Variants in SEMA3A observed in about 807,000 individuals in gnomAD.
The protein encoded by SEMA3A is semaphorin-3A.
A neutral mutation model predicts 97.9 loss-of-function variants in SEMA3A; 29 were observed. The ratio of observed to expected loss-of-function variants is 0.30; its 90% CI spans 0.22 to 0.40. The LOEUF (loss-of-function observed/expected upper bound fraction) is 0.40, where lower values mean the gene tolerates loss of function less well. SEMA3A is among the 10% of genes least tolerant of loss of function. SEMA3A has a pLI of 1.00. For missense variants in SEMA3A, 763 were observed against 951.3 expected (o/e 0.80, Z 2.60); for synonymous variants, 321 against 323.7 (o/e 0.99, Z 0.09).
chr7:84,336,799 TAAGTA>T (rs1802047560), intron 2 of SEMA3A, among the ~76,000 whole-genome samples: 1 of 152,170 alleles, frequency 6.6e-6, no homozygotes, highest in Admixed American at 6.6e-5. Flanking sequence ...TACACTTTAC[TAAGTA>T]AAGTAGCATG....
chr7:84,042,478 T>C (rs1201038965), intron 6 of SEMA3A, among the ~76,000 whole-genome samples: 1 of 151,984 alleles, frequency 6.6e-6, no homozygotes, highest in African/African-American at 2.4e-5. Context: ...CTGACTCAAA[T>C]ATAATCACTC....
intron 3 of SEMA3A, among the ~76,000 whole-genome samples, chr7:84,263,706 C>T (rs1391667541): frequency 6.6e-6 from 1 of 152,146 alleles, no homozygotes; most frequent in Admixed American, 6.5e-5. Flanking sequence ...GTTCCATGCT[C>T]GTTACTTCCT....
chr7:84,442,471 A>C (rs2116343176), intron 1 of SEMA3A, among the ~76,000 whole-genome samples: 1 of 152,212 alleles, frequency 6.6e-6, no homozygotes, highest in East Asian at 1.9e-4. Flanking sequence ...CTAAAGAATA[A>C]ACACAATAAG....
intron 1 of SEMA3A, among the ~76,000 whole-genome samples, chr7:84,484,891 T>C (rs190678436): frequency 1.4e-3 from 213 of 152,318 alleles, no homozygotes; most frequent in African/African-American, 4.9e-3. Flanking sequence ...GGAACTATAA[T>C]ACAAACAGTT....
Position 84,186,264 on chromosome 7 carries a change from A to T in SEMA3A, c.112+8211T>A, listed in dbSNP as rs1309894611. On this transcript the variant is annotated intron_variant, in intron 1 of 16. Transcript: ENST00000265362. ...TGACATCACCTTTCTCAAAAATTCT[A>T]CAATATTCACTTTATTTATCCAAGA... 2.6e-5 allele frequency among the ~76,000 whole-genome samples: 4 copies of T among 152,116 alleles called. No individual in the cohort carries two copies. In the East Asian group the frequency reaches 7.7e-4, roughly 29 times the overall value.
intron 4 of SEMA3A, among the ~76,000 whole-genome samples, chr7:84,075,768 C>T (rs902664958): frequency 1.3e-5 from 2 of 152,090 alleles, no homozygotes; most frequent in Non-Finnish European, 1.5e-5. Flanking sequence ...TTGACTTTGA[C>T]TTCTATTGTA....
intron 1 of SEMA3A, among the ~76,000 whole-genome samples, chr7:84,137,673 C>A: frequency 7.9e-6 from 1 of 126,554 alleles, no homozygotes; most frequent in Admixed American, 9.0e-5. Context: ...ACCTTAGTTT[C>A]AGAGAGGCCA....
chr7:84,029,493 A>G (rs1356928643), intron 6 of SEMA3A, among the ~76,000 whole-genome samples: 2 of 152,164 alleles, frequency 1.3e-5, no homozygotes, highest in African/African-American at 4.8e-5. Flanking sequence ...TATAATGTTT[A>G]TAGGCATTTC....
intron 1 of SEMA3A, among the ~76,000 whole-genome samples, chr7:84,455,094 A>C (rs1296744375): frequency 6.6e-6 from 1 of 151,984 alleles, no homozygotes; most frequent in African/African-American, 2.4e-5. Context: ...ATTGTAATAT[A>C]TTAATTCTTT....
intron 1 of SEMA3A, among the ~76,000 whole-genome samples, chr7:84,183,001 A>T (rs1797775946): frequency 6.6e-6 from 1 of 152,170 alleles, no homozygotes; most frequent in Non-Finnish European, 1.5e-5. Flanking sequence ...TAGAGAATAC[A>T]CACAAGTAAA....
At chr7:84,408,647 T>C (rs1217417839) in intron 1 of SEMA3A, among the ~76,000 whole-genome samples, 1 of 151,952 alleles carries the variant, frequency 6.6e-6, no homozygotes, top group African/African-American at 2.4e-5. Flanking sequence ...CCAACCCAAA[T>C]GTCCAACAAT....
chr7:84,286,632 G>GAATAT, intron 3 of SEMA3A, among the ~76,000 whole-genome samples: 1 of 151,966 alleles, frequency 6.6e-6, no homozygotes, highest in Admixed American at 6.6e-5. Flanking sequence ...TAAAGATACA[G>GAATAT]GGCTCAGAAT....
chr7:84,132,358 T>C (rs1172633419), intron 2 of SEMA3A, among the ~76,000 whole-genome samples: 1 of 148,500 alleles, frequency 6.7e-6, no homozygotes, highest in East Asian at 2.0e-4. Context: ...GATACTGTGA[T>C]ATATTCTGAG....
upstream of SEMA3A, among the ~76,000 whole-genome samples, chr7:84,195,912 A>G (rs931755965): frequency 6.6e-6 from 1 of 152,212 alleles, no homozygotes; most frequent in Admixed American, 6.5e-5. Context: ...ACGTATAGGC[A>G]TGTATTCAGG....
In SEMA3A at chr7:84,073,909, T is replaced by C. The variant is rs150650665; in HGVS notation, c.454-13351A>G. Among the ~76,000 whole-genome samples the C allele has an allele frequency of 6.1e-3, 919 of 150,030 alleles. 12 individuals carry two copies. The highest frequency in any genetic ancestry group is 0.021 in the African/African-American group (867 of 40,488). ...AAAAAAATGAAGCAAATCATACATATGTTTTATCAGCAATCTTAAAAATTT... is the reference window on the plus strand; with the variant it reads ...AAAAAAATGAAGCAAATCATACATACGTTTTATCAGCAATCTTAAAAATTT... On this transcript the variant is annotated intron_variant, in intron 4 of 16. Transcript: ENST00000265362.
chr7:84,242,016 T>A (rs1160716543), intron 3 of SEMA3A, among the ~76,000 whole-genome samples: 1 of 152,166 alleles, frequency 6.6e-6, no homozygotes, highest in Non-Finnish European at 1.5e-5. Flanking sequence ...CACCATGCTG[T>A]TTTGGTCACT....
intron 5 of SEMA3A, among the ~76,000 whole-genome samples, chr7:84,056,217 T>C (rs1241240510): frequency 6.6e-6 from 1 of 152,142 alleles, no homozygotes; most frequent in Non-Finnish European, 1.5e-5. Context: ...TTTACTGAGA[T>C]GAACAAAAAC....
chr7:84,087,335 T>C (rs1024110637), intron 4 of SEMA3A, among the ~76,000 whole-genome samples: 2 of 152,162 alleles, frequency 1.3e-5, no homozygotes, highest in Non-Finnish European at 2.9e-5. Context: ...GTTTAGAATG[T>C]TACAGGAATT....
chr7:84,272,505 T>G (rs1427700749), intron 3 of SEMA3A, among the ~76,000 whole-genome samples: 1 of 152,160 alleles, frequency 6.6e-6, no homozygotes, highest in Non-Finnish European at 1.5e-5. Context: ...ATTAAATGAT[T>G]ATGGCCAAAG....
Sources: gnomAD v4.1 joint callset for allele counts (sites outside exome capture counted in the v4.1 genomes callset) on GRCh38, gnomAD v4.1.1 for gene constraint, MANE v1.5 for transcripts, NCBI Gene and HGNC (gene_info 2026-07-23, HGNC 2026-07-21) for gene names.